The following AGBL4 variants were observed in gnomAD, a reference collection of about 807,000 sequenced individuals.
The protein encoded by AGBL4 is cytosolic carboxypeptidase 6.
In AGBL4, 58 loss-of-function variants were observed where a neutral mutation model predicts 66.4. The observed-to-expected ratio is 0.87, with a 90% CI of 0.71 to 1.09. AGBL4 has a LOEUF of 1.09. AGBL4 is among the 50% of genes least tolerant of loss of function. The pLI is 0.00. For missense variants in AGBL4, 579 were observed against 631.0 expected (o/e 0.92, Z 0.88); for synonymous variants, 234 against 222.9 (o/e 1.05, Z -0.44).
intron 5 of AGBL4, among the ~76,000 whole-genome samples, chr1:49,028,359 G>A (rs1406856078): frequency 6.6e-6 from 1 of 152,180 alleles, no homozygotes; most frequent in Non-Finnish European, 1.5e-5. Flanking sequence ...CAATCAGCTA[G>A]CGATTAATAC....
chr1:48,766,226 A>G (rs1460810808), intron 6 of AGBL4, among the ~76,000 whole-genome samples: 2 of 152,104 alleles, frequency 1.3e-5, no homozygotes, highest in African/African-American at 4.8e-5. Flanking sequence ...TTTTTTTCCA[A>G]AAAAGAAGAA....
chr1:49,421,163 T>C (rs1226738715), intron 3 of AGBL4, among the ~76,000 whole-genome samples: 1 of 152,200 alleles, frequency 6.6e-6, no homozygotes, highest in Non-Finnish European at 1.5e-5. Context: ...CTGTATATAA[T>C]AATACCTGCA....
At chr1:49,737,909 T>C (rs1483689858) in intron 2 of AGBL4, among the ~76,000 whole-genome samples, 1 of 152,222 alleles carries the variant, frequency 6.6e-6, no homozygotes. Flanking sequence ...AGAAGACGAA[T>C]GATTTCTGCA....
chr1:48,982,316 A>G (rs1394446567), intron 5 of AGBL4, among the ~76,000 whole-genome samples: 1 of 152,158 alleles, frequency 6.6e-6, no homozygotes, highest in Non-Finnish European at 1.5e-5. Context: ...ATTTAACATT[A>G]GGTATATCTC....
chr1:48,563,369 A>G (rs1030437324), intron 11 of AGBL4, among the ~76,000 whole-genome samples: 1 of 152,214 alleles, frequency 6.6e-6, no homozygotes, highest in African/African-American at 2.4e-5. Flanking sequence ...GCAGCCATCA[A>G]TTAACCACTG....
chr1:48,544,324 C>T (rs907120340), intron 11 of AGBL4, among the ~76,000 whole-genome samples: 3 of 152,222 alleles, frequency 2.0e-5, no homozygotes, highest in African/African-American at 4.8e-5. Flanking sequence ...GTAAGAGCTA[C>T]AGGGCAGAGA....
chr1:49,545,986 C>A (rs535840888), intron 3 of AGBL4, among the ~76,000 whole-genome samples: 42 of 152,252 alleles, frequency 2.8e-4, no homozygotes, highest in Non-Finnish European at 4.3e-4. Context: ...ATCACCCGAG[C>A]AGTATACAAT....
chr1:48,963,181 C>A (rs1466578536), intron 5 of AGBL4, among the ~76,000 whole-genome samples: 1 of 151,332 alleles, frequency 6.6e-6, no homozygotes, highest in Non-Finnish European at 1.5e-5. Context: ...AGAAGCAAGA[C>A]AAAAGACAAA....
intron 1 of AGBL4, chr1:49,865,988 C>T (rs1157521366): frequency 2.9e-6 from 1 of 341,734 alleles, no homozygotes; most frequent in Non-Finnish European, 5.9e-6. Context: ...ACCTAACAGA[C>T]CAAGCTGAGG....
chr1:48,547,976 C>A (rs1644191533), intron 11 of AGBL4, among the ~76,000 whole-genome samples: 1 of 152,150 alleles, frequency 6.6e-6, no homozygotes, highest in Admixed American at 6.5e-5. Flanking sequence ...GCCCTCAATA[C>A]AATAAGCTTA....
intron 1 of AGBL4, among the ~76,000 whole-genome samples, chr1:50,019,945 A>G (rs995030227): frequency 3.9e-5 from 6 of 152,064 alleles, no homozygotes; most frequent in African/African-American, 1.2e-4. Context: ...GATTTAAAAG[A>G]AGAAACTTCC....
At chr1:49,207,246 G>A (rs1055569583) in intron 4 of AGBL4, among the ~76,000 whole-genome samples, 2 of 151,932 alleles carry the variant, frequency 1.3e-5, no homozygotes, top group African/African-American at 4.8e-5. Flanking sequence ...ACCTGATTTA[G>A]CAGAACTGAC....
intron 4 of AGBL4, among the ~76,000 whole-genome samples, chr1:49,221,323 CAG>C (rs991963876): frequency 2.0e-5 from 3 of 152,122 alleles, no homozygotes; most frequent in Admixed American, 2.0e-4. Flanking sequence ...CTAGAGGAGA[CAG>C]AGTGCTCAAT....
intron 3 of AGBL4, among the ~76,000 whole-genome samples, chr1:49,298,258 C>G (rs1390062417): frequency 2.0e-5 from 3 of 152,056 alleles, no homozygotes; most frequent in Admixed American, 2.0e-4. Flanking sequence ...AGATGCTGGC[C>G]CAGGAGGAGA....
intron 3 of AGBL4, among the ~76,000 whole-genome samples, chr1:49,556,123 C>G (rs573394734): frequency 6.6e-6 from 1 of 152,218 alleles, no homozygotes; most frequent in South Asian, 2.1e-4. Flanking sequence ...AGACTTGGAA[C>G]CAACCCAAAT....
chr1:49,002,284 A>G lies in AGBL4; in HGVS notation c.594+43300T>C, dbSNP rs550081113. On this transcript the variant is annotated intron_variant, in intron 5 of 13. Coordinates refer to ENST00000371839, the MANE Select transcript of AGBL4 (RefSeq NM_032785.4). ...TGAATGGTCACCTAGGATGACTAAC[A>G]TGGGCAGAGTTTGTTGGACCCCTTT... Among the ~76,000 whole-genome samples, 14 of 152,294 alleles carry G rather than the reference A, an allele frequency of 9.2e-5. No homozygotes were observed. In the East Asian group the frequency reaches 2.7e-3, roughly 29 times the overall value.
At chr1:48,538,518 T>C (rs1644009653) in intron 12 of AGBL4, among the ~76,000 whole-genome samples, 1 of 152,190 alleles carries the variant, frequency 6.6e-6, no homozygotes, top group Non-Finnish European at 1.5e-5. Context: ...CTACTTGCGG[T>C]GAACCTTAGC....
chr1:49,718,745 C>G (rs1648359112), intron 2 of AGBL4, among the ~76,000 whole-genome samples: 1 of 151,922 alleles, frequency 6.6e-6, no homozygotes, highest in Non-Finnish European at 1.5e-5. Context: ...TGCTTTTCTT[C>G]TTTATTTTGT....
At chr1:48,642,570 G>T (rs1645774210) in intron 8 of AGBL4, among the ~76,000 whole-genome samples, 1 of 152,158 alleles carries the variant, frequency 6.6e-6, no homozygotes, top group Non-Finnish European at 1.5e-5. Flanking sequence ...CAAAGATGGG[G>T]AATCTGAGGC....
Sources: allele counts gnomAD v4.1 joint callset (sites outside exome capture counted in the v4.1 genomes callset), GRCh38; gene constraint gnomAD v4.1.1; transcripts MANE v1.5; gene names NCBI Gene and HGNC (gene_info 2026-07-23, HGNC 2026-07-21).